The following GALNTL6 variants were observed in gnomAD, a reference collection of about 807,000 sequenced individuals.
GALNTL6 encodes the protein polypeptide N-acetylgalactosaminyltransferase like 6.
A neutral mutation model predicts 73.7 loss-of-function variants in GALNTL6; 46 were observed. The ratio of observed to expected loss-of-function variants is 0.62; its 90% CI spans 0.49 to 0.80. GALNTL6 has a LOEUF of 0.80. GALNTL6 is among the 30% of genes least tolerant of loss of function. The pLI is 0.00. For missense variants in GALNTL6, 604 were observed against 755.0 expected, an observed-to-expected ratio of 0.80 and a Z score of 2.34; for synonymous variants, 259 against 263.7, an observed-to-expected ratio of 0.98 and a Z score of 0.17.
At chr4:172,364,887 A>G (rs1274480838) in intron 5 of GALNTL6, among the ~76,000 whole-genome samples, 2 of 152,194 alleles carry the variant, frequency 1.3e-5, no homozygotes, top group Non-Finnish European at 2.9e-5. Context: ...TTTCTCCCCA[A>G]GCAATTTTTA....
At position 172,384,047 on chromosome 4, in the gene GALNTL6, A is replaced by G. The variant is rs1054880142; in HGVS notation, c.553+35358A>G. 6.6e-5 allele frequency among the ~76,000 whole-genome samples: 10 copies of G among 152,208 alleles called. No homozygotes were observed. In the East Asian group the frequency reaches 1.9e-3, roughly 29 times the overall value. ...GAGGATTTTTATTTGTGTATTTATTAGAGATGTTAATGTATAGTTTTCTTT... is the reference window on the plus strand; with the variant it reads ...GAGGATTTTTATTTGTGTATTTATTGGAGATGTTAATGTATAGTTTTCTTT... On this transcript the variant is annotated intron_variant, in intron 5 of 12. Transcript: ENST00000506823.
chr4:172,709,203 C>A (rs1734544931), intron 5 of GALNTL6, among the ~76,000 whole-genome samples: 1 of 152,096 alleles, frequency 6.6e-6, no homozygotes, highest in Non-Finnish European at 1.5e-5. Flanking sequence ...GAGTCCCAGG[C>A]CTGCCAGAGC....
chr4:172,960,009 A>C (rs1749959278), intron 10 of GALNTL6, among the ~76,000 whole-genome samples: 1 of 152,238 alleles, frequency 6.6e-6, no homozygotes, highest in Admixed American at 6.5e-5. Flanking sequence ...TACACCTTAA[A>C]GGTGAGGTTA....
At chr4:172,279,078 A>G (rs1277124041) in intron 3 of GALNTL6, among the ~76,000 whole-genome samples, 1 of 152,202 alleles carries the variant, frequency 6.6e-6, no homozygotes, top group Non-Finnish European at 1.5e-5. Context: ...AAAATATATC[A>G]AAGACTTAAA....
chr4:172,477,847 C>T (rs1459575571), intron 5 of GALNTL6, among the ~76,000 whole-genome samples: 1 of 151,728 alleles, frequency 6.6e-6, no homozygotes, highest in Non-Finnish European at 1.5e-5. Context: ...GATTTTTTTC[C>T]CATCAAAGTT....
intron 5 of GALNTL6, among the ~76,000 whole-genome samples, chr4:172,357,390 C>G (rs1742196197): frequency 6.6e-6 from 1 of 151,954 alleles, no homozygotes; most frequent in Non-Finnish European, 1.5e-5. Flanking sequence ...AACCAAGGCA[C>G]ATTTGAGATT....
chr4:172,761,679 C>CTG (rs1738111739), intron 5 of GALNTL6, among the ~76,000 whole-genome samples: 1 of 151,362 alleles, frequency 6.6e-6, no homozygotes, highest in Admixed American at 6.6e-5. Context: ...TTCTCTCTCT[C>CTG]TCTCTCTCTC....
At chr4:172,790,896 C>CAAAAAAAA (rs770813700) in intron 5 of GALNTL6, among the ~76,000 whole-genome samples, 2 of 71,444 alleles carry the variant, frequency 2.8e-5, no homozygotes, top group African/African-American at 5.1e-5. Context: ...GAGACTCCAT[C>CAAAAAAAA]AAAAAAAAAA....
chr4:172,592,670 G>GTCTATCTATCTATCTATCTA (rs5864141), intron 5 of GALNTL6, among the ~76,000 whole-genome samples: 138 of 142,090 alleles, frequency 9.7e-4, no homozygotes, highest in East Asian at 1.9e-3. Context: ...CTGTCTGTCT[G>GTCTATCTATCTATCTATCTA]TCTATCTATC....
intron 9 of GALNTL6, among the ~76,000 whole-genome samples, chr4:172,945,231 G>A (rs1253830533): frequency 6.6e-6 from 1 of 152,048 alleles, no homozygotes; most frequent in Non-Finnish European, 1.5e-5. Context: ...AAACTATAGT[G>A]AAAAAAAGTA....
intron 5 of GALNTL6, among the ~76,000 whole-genome samples, chr4:172,666,303 G>T (rs890409988): frequency 6.6e-6 from 1 of 152,260 alleles, no homozygotes; most frequent in South Asian, 2.1e-4. Flanking sequence ...GCATTCACAT[G>T]AATGATGGTT....
At chr4:171,988,905 G>C (rs1560873868) in intron 2 of GALNTL6, among the ~76,000 whole-genome samples, 1 of 152,066 alleles carries the variant, frequency 6.6e-6, no homozygotes, top group Non-Finnish European at 1.5e-5. Flanking sequence ...GGGAGGATGT[G>C]AAGGAGGCTT....
intron 2 of GALNTL6, among the ~76,000 whole-genome samples, chr4:172,014,660 C>T (rs77850140): frequency 0.025 from 3,776 of 152,032 alleles, 120 homozygotes; most frequent in African/African-American, 0.075. Flanking sequence ...TTTGTGCTCT[C>T]TCAGACTTTT....
At chr4:172,230,327 G>A (rs1737014233) in intron 3 of GALNTL6, among the ~76,000 whole-genome samples, 1 of 152,102 alleles carries the variant, frequency 6.6e-6, no homozygotes, top group African/African-American at 2.4e-5. Flanking sequence ...TAGCAAGAAA[G>A]AATAGGTCTT....
chr4:171,945,338 T>A (rs1480747721), intron 2 of GALNTL6, among the ~76,000 whole-genome samples: 1 of 152,050 alleles, frequency 6.6e-6, no homozygotes. Flanking sequence ...GTGGGGATAT[T>A]ATGACCTGTT....
At chr4:172,965,619 A>T (rs999438805) in intron 10 of GALNTL6, among the ~76,000 whole-genome samples, 18 of 108,862 alleles carry the variant, frequency 1.7e-4, no homozygotes, top group African/African-American at 5.0e-4. Flanking sequence ...AGTAAAAATT[A>T]AAAAAAAAAA....
intron 2 of GALNTL6, among the ~76,000 whole-genome samples, chr4:171,994,757 A>G (rs1156853057): frequency 2.0e-5 from 3 of 152,084 alleles, no homozygotes; most frequent in Non-Finnish European, 4.4e-5. Context: ...TATCTAAGTC[A>G]GTTAAAAATA....
chr4:172,607,503 A>G (rs553287394), intron 5 of GALNTL6, among the ~76,000 whole-genome samples: 4 of 152,174 alleles, frequency 2.6e-5, no homozygotes, highest in Middle Eastern at 3.4e-3. Flanking sequence ...TAGTATTCCT[A>G]TGGGCATCTA....
intron 2 of GALNTL6, among the ~76,000 whole-genome samples, chr4:171,973,136 A>T (rs1479312987): frequency 6.6e-6 from 1 of 152,124 alleles, no homozygotes; most frequent in Non-Finnish European, 1.5e-5. Context: ...TTAGCAGAGG[A>T]AGGGAAGTTG....
Sources: gnomAD v4.1 joint callset for allele counts (sites outside exome capture counted in the v4.1 genomes callset) on GRCh38, gnomAD v4.1.1 for gene constraint, MANE v1.5 for transcripts, NCBI Gene and HGNC (gene_info 2026-07-23, HGNC 2026-07-21) for gene names.